The following CDH2 variants were observed in gnomAD, a reference collection of about 807,000 sequenced individuals.
The protein encoded by CDH2 is cadherin 2.
A neutral mutation model predicts 92.0 loss-of-function variants in CDH2; 17 were observed. The observed-to-expected ratio is 0.18, with a 90% CI of 0.13 to 0.28. The LOEUF (loss-of-function observed/expected upper bound fraction) is 0.28. CDH2 is among the 10% of genes least tolerant of loss of function. The pLI is 1.00. For synonymous variants in CDH2, 419 were observed against 415.9 expected, an observed-to-expected ratio of 1.01 and a Z score of -0.09; for missense variants, 862 against 1,133.1, an observed-to-expected ratio of 0.76 and a Z score of 3.44.
chr18:28,174,348 G>T (rs2144376114), intron 1 of CDH2, among the ~76,000 whole-genome samples: 1 of 152,176 alleles, frequency 6.6e-6, no homozygotes, highest in Middle Eastern at 3.4e-3. Flanking sequence ...GTGTAAAGCA[G>T]ACCATTAGCA....
At chr18:28,111,079 T>G (rs2015403480) in intron 2 of CDH2, among the ~76,000 whole-genome samples, 1 of 152,204 alleles carries the variant, frequency 6.6e-6, no homozygotes. Flanking sequence ...AAGAGAGTTC[T>G]TATCAGCTCT....
Position 28,009,800 on chromosome 18 carries a change from T to C in CDH2, c.619A>G (p.Thr207Ala), listed in dbSNP as rs150141832. The change falls in exon 5 of 16, where the codon ACT becomes GCT. Residue 207 changes from threonine (T) to alanine (A), a missense_variant. Around this residue, in one of 5 missense-constraint regions of CDH2, gnomAD observed 564 missense variants for 722.2 expected, o/e 0.78. Coordinates refer to ENST00000269141, the MANE Select transcript of CDH2 (RefSeq NM_001792.5). ...ATGGGGTTGATAATGAAGATACCAG[T>C]TGGAGGCTGGTCAGCTCCTGGCCCA... ...VTGPGADQPP[T>A]GIFIINPISG... 135 of 1,613,802 alleles carry C rather than the reference T, an allele frequency of 8.4e-5. No homozygotes were observed. The highest frequency in any genetic ancestry group is 1.1e-4 in the Non-Finnish European group (130 of 1,179,882).
chr18:28,102,114 T>C (rs2015236853), intron 2 of CDH2, among the ~76,000 whole-genome samples: 1 of 152,152 alleles, frequency 6.6e-6, no homozygotes, highest in South Asian at 2.1e-4. Context: ...TCCTAGAAAT[T>C]TGCCTGTGTC....
intron 2 of CDH2, among the ~76,000 whole-genome samples, chr18:28,078,495 C>A (rs1035206712): frequency 6.6e-6 from 1 of 151,986 alleles, no homozygotes; most frequent in Admixed American, 6.6e-5. Flanking sequence ...GATACTGAGG[C>A]GATGGAGGGC....
rs114228594 is a variant in CDH2, at chr18:28,161,106, T to C, written c.61-13322A>G. 4.2e-3 allele frequency among the ~76,000 whole-genome samples: 639 copies of C among 152,276 alleles called. 4 individuals are homozygous for C. The highest frequency in any genetic ancestry group is 0.015 in the African/African-American group (608 of 41,556). On this transcript the variant is annotated intron_variant, in intron 1 of 15. Transcript: ENST00000269141. Reference sequence around the variant, plus strand: ...CCAGGAAAGGTTAAAATGAAGAATGTTTTCTCTGCCCACTATCAGTCCATC... The same window carrying C: ...CCAGGAAAGGTTAAAATGAAGAATGCTTTCTCTGCCCACTATCAGTCCATC...
At chr18:28,105,754 A>T (rs2015310314) in intron 2 of CDH2, among the ~76,000 whole-genome samples, 1 of 152,178 alleles carries the variant, frequency 6.6e-6, no homozygotes, top group Non-Finnish European at 1.5e-5. Context: ...TATAGTTCTT[A>T]ATTTAAAATA....
intron 2 of CDH2, among the ~76,000 whole-genome samples, chr18:28,015,233 C>A (rs913222984): frequency 3.9e-4 from 59 of 152,080 alleles, no homozygotes; most frequent in African/African-American, 1.4e-3. Context: ...ACCATAAAAT[C>A]CTTGATAGAA....
intron 2 of CDH2, among the ~76,000 whole-genome samples, chr18:28,103,162 TTA>T (rs977845585): frequency 6.9e-5 from 10 of 145,446 alleles, no homozygotes; most frequent in Non-Finnish European, 1.4e-4. Context: ...ATAAACTCCT[TTA>T]TATATATATA....
intron 4 of CDH2, 113 bp from the exon 5 acceptor site, chr18:28,009,985 C>T: frequency 1.4e-6 from 1 of 735,674 alleles, no homozygotes; most frequent in South Asian, 3.3e-5. Context: ...TACCATCTCT[C>T]CCCAGAAAAT....
At chr18:28,125,667 A>C (rs546975074) in intron 2 of CDH2, among the ~76,000 whole-genome samples, 1 of 152,268 alleles carries the variant, frequency 6.6e-6, no homozygotes, top group South Asian at 2.1e-4. Flanking sequence ...GCATTTACTG[A>C]GCATTTACTA....
At chr18:28,154,053 G>A (rs2016168652) in intron 1 of CDH2, among the ~76,000 whole-genome samples, 1 of 152,122 alleles carries the variant, frequency 6.6e-6, no homozygotes, top group Non-Finnish European at 1.5e-5. Context: ...CACACATCCA[G>A]CCCTTATCTT....
chr18:28,149,819 C>A (rs1451837591), intron 1 of CDH2, among the ~76,000 whole-genome samples: 1 of 152,178 alleles, frequency 6.6e-6, no homozygotes, highest in Non-Finnish European at 1.5e-5. Context: ...ATGTAAAGAT[C>A]CGCATAGACA....
intron 5 of CDH2, among the ~76,000 whole-genome samples, chr18:28,006,286 T>C (rs1778379573): frequency 6.6e-6 from 1 of 152,136 alleles, no homozygotes; most frequent in African/African-American, 2.4e-5. Context: ...GAAGATGAAA[T>C]TGAGCCTCAG....
downstream of CDH2, among the ~76,000 whole-genome samples, chr18:27,950,190 G>A (rs910153240): frequency 6.6e-5 from 10 of 151,900 alleles, no homozygotes; most frequent in Non-Finnish European, 1.5e-4. Context: ...TAAATTTCAC[G>A]GTCTAATATA....
chr18:28,033,110 G>C (rs1401146508), intron 2 of CDH2, among the ~76,000 whole-genome samples: 1 of 152,074 alleles, frequency 6.6e-6, no homozygotes, highest in Non-Finnish European at 1.5e-5. Flanking sequence ...TCCCAGTAGG[G>C]TATAGACAAA....
chr18:27,942,513 CAG>C (rs1909163733), intron 6 of CDH2, among the ~76,000 whole-genome samples: 2 of 152,240 alleles, frequency 1.3e-5, no homozygotes, highest in African/African-American at 2.4e-5. Flanking sequence ...AGAATCATAC[CAG>C]TCTGTACCTC....
chr18:28,151,572 C>T (rs1490360831), intron 1 of CDH2, among the ~76,000 whole-genome samples: 4 of 152,244 alleles, frequency 2.6e-5, no homozygotes, highest in Non-Finnish European at 5.9e-5. Context: ...TCACTGTCTG[C>T]TCAAGTAGCC....
intron 1 of CDH2, among the ~76,000 whole-genome samples, chr18:28,158,885 A>ATCTTGTT (rs2016262468): frequency 6.6e-6 from 1 of 152,274 alleles, no homozygotes; most frequent in African/African-American, 2.4e-5. Context: ...CTTCCCACTA[A>ATCTTGTT]TCTTGTTTTT....
chr18:28,013,710 C>T lies in CDH2; in HGVS notation c.372G>A (p.Lys124=). 1 of 1,613,894 alleles carries T rather than the reference C, an allele frequency of 6.2e-7. No homozygotes were observed. Among genetic ancestry groups the T allele is most frequent in the Non-Finnish European group, 8.5e-7 (1 of 1,179,864 alleles). The change falls in exon 3 of 16, where the codon AAG becomes AAA. Residue 124 remains lysine (K), a synonymous_variant. Coordinates refer to ENST00000269141, the MANE Select transcript of CDH2 (RefSeq NM_001792.5). ...KWQVAVKLSL[K]PTLTEESVKE... The stretch of plus-strand genomic sequence containing the variant: ...TCACTGACTCCTCAGTTAAGGTTGG[C>T]TTCAGGCTCAATTTTACTGCCACTT...
Sources: gnomAD v4.1 joint callset for allele counts (sites outside exome capture counted in the v4.1 genomes callset) on GRCh38, gnomAD v4.1.1 for gene constraint, gnomAD v4.1.1 regional missense constraint, MANE v1.5 for transcripts, NCBI Gene and HGNC (gene_info 2026-07-23, HGNC 2026-07-21) for gene names.